PALM2AKAP2: variants seen among roughly 807,000 people sequenced by gnomAD.
The protein encoded by PALM2AKAP2 is PALM2-AKAP2 fusion protein.
A neutral mutation model predicts 71.5 loss-of-function variants in PALM2AKAP2; 37 were observed. That is an observed-to-expected ratio of 0.52 (90% CI 0.40 to 0.68). The LOEUF (loss-of-function observed/expected upper bound fraction) is 0.68. PALM2AKAP2 is among the 30% of genes least tolerant of loss of function. The probability of loss-of-function intolerance (pLI) is 0.00; values close to 1 mark genes in which losing one functional copy is unlikely to be tolerated. For synonymous variants in PALM2AKAP2, 468 were observed against 478.8 expected, an observed-to-expected ratio of 0.98 and a Z score of 0.29; for missense variants, 1,224 against 1,191.8, an observed-to-expected ratio of 1.03 and a Z score of -0.40.
At chr9:110,163,622 T>G (rs928395999) in intron 3 of PALM2AKAP2, among the ~76,000 whole-genome samples, 2 of 152,228 alleles carry the variant, frequency 1.3e-5, no homozygotes, top group African/African-American at 4.8e-5. Flanking sequence ...AGACATTCTA[T>G]AAGCGGTAAA....
intron 3 of PALM2AKAP2, among the ~76,000 whole-genome samples, chr9:109,919,765 G>GTATA (rs138804024): frequency 0.057 from 8,592 of 150,634 alleles, 423 homozygotes; most frequent in East Asian, 0.24. Flanking sequence ...GTGTGTGTGT[G>GTATA]TATATATGTA....
intron 6 of PALM2AKAP2, among the ~76,000 whole-genome samples, chr9:109,995,902 G>A (rs1422026214): frequency 6.6e-6 from 1 of 152,212 alleles, no homozygotes; most frequent in Non-Finnish European, 1.5e-5. Context: ...CCATGAGGAT[G>A]GAGAGGAAGG....
chr9:109,678,235 C>T (rs190579629), intron 1 of PALM2AKAP2, among the ~76,000 whole-genome samples: 21 of 152,268 alleles, frequency 1.4e-4, no homozygotes, highest in South Asian at 8.3e-4. Context: ...TGAAAGTGGA[C>T]GGCAACATGA....
chr9:109,691,938 A>ATACACATATATATC (rs1827903010), intron 1 of PALM2AKAP2, among the ~76,000 whole-genome samples: 2 of 134,838 alleles, frequency 1.5e-5, no homozygotes, highest in African/African-American at 5.6e-5. Context: ...ATATATATAT[A>ATACACATATATATC]TACACATATA....
chr9:109,878,124 A>G (rs987500560), intron 2 of PALM2AKAP2, among the ~76,000 whole-genome samples: 34 of 152,324 alleles, frequency 2.2e-4, no homozygotes, highest in African/African-American at 7.5e-4. Context: ...CCACTTTCCA[A>G]TGGAAAAGAA....
At chr9:109,901,743 G>A (rs1009619973) in intron 3 of PALM2AKAP2, among the ~76,000 whole-genome samples, 1 of 152,164 alleles carries the variant, frequency 6.6e-6, no homozygotes, top group African/African-American at 2.4e-5. Context: ...GAAGTCAAGG[G>A]CAGACTGGGA....
exon 4 of PALM2AKAP2, chr9:110,168,545 A>G: frequency 6.3e-7 from 1 of 1,593,530 alleles, no homozygotes; most frequent in Non-Finnish European, 8.5e-7. Flanking sequence ...AGACCAAGAA[A>G]CCAAGAAATT....
exon 4 of PALM2AKAP2, chr9:110,172,321 T>G (rs1836878071): frequency 6.6e-6 from 1 of 152,580 alleles, no homozygotes; most frequent in Admixed American, 6.5e-5. Context: ...TTGTTTTTCT[T>G]TTTTTGGGGG....
chr9:109,721,816 A>G (rs1436091894), intron 1 of PALM2AKAP2, among the ~76,000 whole-genome samples: 2 of 152,230 alleles, frequency 1.3e-5, no homozygotes, highest in African/African-American at 4.8e-5. Context: ...AGTGTTGGCT[A>G]TGCCAGTCCT....
chr9:109,731,728 T>C (rs1828558742), intron 1 of PALM2AKAP2, among the ~76,000 whole-genome samples: 2 of 152,196 alleles, frequency 1.3e-5, no homozygotes, highest in Non-Finnish European at 2.9e-5. Flanking sequence ...GTGAAAAATT[T>C]TGTAATATAA....
At chr9:109,778,555 G>C (rs1829381028), upstream of PALM2AKAP2, among the ~76,000 whole-genome samples, 2 of 152,254 alleles carry the variant, frequency 1.3e-5, no homozygotes, top group South Asian at 4.1e-4. Context: ...CACTGGCTTG[G>C]ATTTATTAAA....
intron 1 of PALM2AKAP2, among the ~76,000 whole-genome samples, chr9:110,077,206 T>C (rs1383739375): frequency 1.3e-5 from 2 of 152,168 alleles, no homozygotes; most frequent in African/African-American, 4.8e-5. Context: ...CCTTGGTTCC[T>C]TTATCTGTAA....
chr9:110,084,977 T>G (rs1834534784), intron 1 of PALM2AKAP2, among the ~76,000 whole-genome samples: 1 of 152,154 alleles, frequency 6.6e-6, no homozygotes, highest in African/African-American at 2.4e-5. Context: ...CCTGACCTTA[T>G]GATCTGCCTG....
intron 7 of PALM2AKAP2, among the ~76,000 whole-genome samples, chr9:110,028,675 G>A (rs1426864788): frequency 6.6e-6 from 1 of 152,090 alleles, no homozygotes; most frequent in Non-Finnish European, 1.5e-5. Flanking sequence ...ATTAGCTAAA[G>A]CAGGGGAGCT....
intron 6 of PALM2AKAP2, among the ~76,000 whole-genome samples, chr9:109,978,237 A>G (rs1158030328): frequency 6.6e-6 from 1 of 152,140 alleles, no homozygotes; most frequent in Non-Finnish European, 1.5e-5. Context: ...AGAAAGGCCA[A>G]GTCATGCCAG....
chr9:109,718,932 A>G (rs1379624839), intron 1 of PALM2AKAP2, among the ~76,000 whole-genome samples: 1 of 152,212 alleles, frequency 6.6e-6, no homozygotes, highest in Non-Finnish European at 1.5e-5. Context: ...TGTAAAATAA[A>G]CTATTTCAAA....
At chr9:109,728,364 A>C (rs781361436) in intron 1 of PALM2AKAP2, among the ~76,000 whole-genome samples, 1 of 152,232 alleles carries the variant, frequency 6.6e-6, no homozygotes, top group Non-Finnish European at 1.5e-5. Context: ...CAATGGTGTG[A>C]AGTTGAGAGG....
chr9:109,784,664 G>T (rs916946253), intron 1 of PALM2AKAP2, among the ~76,000 whole-genome samples: 1 of 152,252 alleles, frequency 6.6e-6, no homozygotes, highest in Non-Finnish European at 1.5e-5. Context: ...AGGTGAGGAG[G>T]TTCTAGAACT....
At chr9:110,150,294 G>T (rs1349820014) in intron 2 of PALM2AKAP2, among the ~76,000 whole-genome samples, 1 of 152,194 alleles carries the variant, frequency 6.6e-6, no homozygotes, top group African/African-American at 2.4e-5. Flanking sequence ...CCAGTCTATG[G>T]TATTTTATGG....
Sources: allele counts gnomAD v4.1 joint callset (sites outside exome capture counted in the v4.1 genomes callset), GRCh38; gene constraint gnomAD v4.1.1; transcripts MANE v1.5; gene names NCBI Gene and HGNC (gene_info 2026-07-23, HGNC 2026-07-21).